AHI1: variants seen among roughly 807,000 people sequenced by gnomAD.
AHI1 encodes the protein jouberin.
AHI1 carries 123 observed loss-of-function variants against 149.3 expected under a neutral mutation model. That is an observed-to-expected ratio of 0.82 (90% CI 0.71 to 0.96). The LOEUF is 0.96. AHI1 is among the 40% of genes least tolerant of loss of function. The pLI, the probability that AHI1 is intolerant of heterozygous loss-of-function variation, is 0.00. For missense variants in AHI1, 1,439 were observed against 1,422.7 expected (o/e 1.01, Z -0.18); for synonymous variants, 475 against 459.8 (o/e 1.03, Z -0.42).
At chr6:135,358,044 G>C in intron 24 of AHI1, 88 bp downstream of exon 24, 1 of 1,214,632 alleles carries the variant, frequency 8.2e-7, no homozygotes, top group Non-Finnish European at 1.2e-6. Context: ...AAGGTTTTAA[G>C]AGTTTTCTAC....
intron 25 of AHI1, among the ~76,000 whole-genome samples, chr6:135,322,363 G>C (rs1284749853): frequency 1.3e-5 from 2 of 152,080 alleles, no homozygotes; most frequent in African/African-American, 2.4e-5. Context: ...ACAGTTTTAA[G>C]TTATTATTAT....
intron 5 of AHI1, among the ~76,000 whole-genome samples, chr6:135,484,112 A>C (rs1002290881): frequency 6.6e-6 from 1 of 152,182 alleles, no homozygotes; most frequent in African/African-American, 2.4e-5. Context: ...GAGCTTGTGC[A>C]GGGAAACTCC....
intron 15 of AHI1, 55 bp downstream of exon 15, chr6:135,438,318 CTT>C: frequency 6.9e-7 from 1 of 1,444,322 alleles, no homozygotes; most frequent in Non-Finnish European, 9.2e-7. Flanking sequence ...TTTATATTCT[CTT>C]TGCTTTCCTT....
At chr6:135,375,220 A>G (rs1205401083) in intron 23 of AHI1, among the ~76,000 whole-genome samples, 5 of 152,198 alleles carry the variant, frequency 3.3e-5, no homozygotes, top group Non-Finnish European at 5.9e-5. Context: ...TAATTTTTAA[A>G]AAGTTTTTTT....
In AHI1 at chr6:135,397,378, T is replaced by C. The variant is rs113473601; in HGVS notation, c.2989-2482A>G. ...AACAGAAAGGTTGGTTAAGATAGTC[T>C]ACCCTACACCAATCTACCCTCTTTT... On this transcript the variant is annotated intron_variant, in intron 22 of 28. Coordinates refer to ENST00000265602, the MANE Select transcript of AHI1 (RefSeq NM_001134831.2). 4.0e-3 allele frequency among the ~76,000 whole-genome samples: 608 copies of C among 152,110 alleles called. 1 individual carries two copies. Among genetic ancestry groups the C allele is most frequent in the Non-Finnish European group, 5.8e-3 (393 of 67,876 alleles).
intron 1 of AHI1, among the ~76,000 whole-genome samples, 163 bp downstream of exon 1, chr6:135,497,420 T>C (rs1475468783): frequency 6.6e-6 from 1 of 152,036 alleles, no homozygotes; most frequent in Admixed American, 6.6e-5. Context: ...CTCTCAGAAA[T>C]CGCATTCCCC....
chr6:135,387,355 T>C (rs983471986), intron 23 of AHI1, among the ~76,000 whole-genome samples: 1 of 152,200 alleles, frequency 6.6e-6, no homozygotes, highest in Non-Finnish European at 1.5e-5. Context: ...TATTTTAATG[T>C]CTGTGGAATA....
At chr6:135,358,068 C>A (rs1338269393) in intron 24 of AHI1, 64 bp downstream of exon 24, 4 of 1,458,936 alleles carry the variant, frequency 2.7e-6, no homozygotes, top group Non-Finnish European at 3.8e-6. Flanking sequence ...GGCACTGTAA[C>A]TATAACCAGT....
intron 27 of AHI1, among the ~76,000 whole-genome samples, chr6:135,292,120 A>G (rs1264433515): frequency 6.6e-6 from 1 of 151,980 alleles, no homozygotes; most frequent in Non-Finnish European, 1.5e-5. Context: ...ACACACACAC[A>G]CACACACACA....
chr6:135,447,180 T>C lies in AHI1; in HGVS notation c.1627-20A>G. 1 of 1,480,990 alleles carries C rather than the reference T, an allele frequency of 6.8e-7. No individual in the cohort carries two copies. Among genetic ancestry groups the C allele is most frequent in the Non-Finnish European group, 9.0e-7 (1 of 1,109,252 alleles). 91.7% of individuals were successfully genotyped at this position (1,480,990 alleles called of 1,614,324 possible). On this transcript the variant is annotated intron_variant, in intron 12 of 28. Transcript: ENST00000265602. ...CTTTATCTAAATATGCATTAAAATA[T>C]GAAAATTTATATACCATGTTCACCT...
rs534108217 is a variant in AHI1, at chr6:135,288,903, T to C, written c.3588+1520A>G. On this transcript the variant is annotated intron_variant, in intron 28 of 28. Transcript: ENST00000265602. The stretch of plus-strand genomic sequence containing the variant: ...CTTCACAAAGAATGGATCAATCTTA[T>C]AGTATTACCAGCAGTGTAAGCGGGA... Among the ~76,000 whole-genome samples the C allele has an allele frequency of 9.9e-5, 15 of 152,112 alleles. No homozygotes were observed. The South Asian group carries it at 1.7e-3, about 17-fold the overall frequency.
chr6:135,474,486 GTCTAT>G lies in AHI1; in HGVS notation c.136-6857_136-6853del, dbSNP rs1342190963. 2.6e-5 allele frequency: 4 copies of G among 151,664 alleles called. No individual in the cohort carries two copies. In the East Asian group the frequency reaches 7.7e-4, roughly 29 times the overall value. The allele number at this position is 151,664 out of a possible 1,614,324, so 9.4% of individuals were successfully genotyped here. A position where few individuals can be genotyped will look rare whatever the true frequency, so the allele number is the denominator to read the frequency against. ...CCTTTATTAGGTTGAGGAAGTTACT[GTCTAT>G]TCTTTTTTTTTTTTTAGACTAGTCA... On this transcript the variant is annotated intron_variant, in intron 5 of 28. Coordinates refer to ENST00000265602, the MANE Select transcript of AHI1 (RefSeq NM_001134831.2).
Position 135,428,846 on chromosome 6 carries a change from T to C in AHI1, c.2493-87A>G, listed in dbSNP as rs528463122. 4.1e-6 allele frequency: 5 copies of C among 1,223,890 alleles called. No homozygotes were observed. In the African/African-American group the frequency reaches 7.7e-5, roughly 19 times the overall value. The allele number at this position is 1,223,890 out of a possible 1,614,324, so 75.8% of individuals were successfully genotyped here. On this transcript the variant is annotated intron_variant, in intron 18 of 28. Transcript: ENST00000265602. ...AAAATCTTTTCTCTTAAATACTTAA[T>C]TTCCATTCAACAAACATTTTTTGAG...
At chr6:135,473,493 A>T (rs1489865318) in intron 5 of AHI1, among the ~76,000 whole-genome samples, 1 of 152,192 alleles carries the variant, frequency 6.6e-6, no homozygotes, top group Non-Finnish European at 1.5e-5. Context: ...GAGAGAGGAT[A>T]CTGACATATC....
chr6:135,374,261 C>T (rs1178125699), intron 23 of AHI1, among the ~76,000 whole-genome samples: 5 of 150,930 alleles, frequency 3.3e-5, no homozygotes, highest in Non-Finnish European at 5.9e-5. Context: ...TACAGGTGCC[C>T]GCCATCACGC....
intron 23 of AHI1, among the ~76,000 whole-genome samples, chr6:135,385,324 C>T (rs1207014700): frequency 6.6e-6 from 1 of 151,968 alleles, no homozygotes; most frequent in Non-Finnish European, 1.5e-5. Context: ...GTGAAACCAT[C>T]TTATAAGACA....
intron 5 of AHI1, among the ~76,000 whole-genome samples, chr6:135,480,444 C>A (rs962323220): frequency 1.6e-4 from 24 of 151,250 alleles, no homozygotes; most frequent in East Asian, 1.5e-3. Context: ...AGTGACAGAG[C>A]AAGACCCTGT....
chr6:135,446,351 G>C (rs1349623569), intron 13 of AHI1, among the ~76,000 whole-genome samples: 1 of 152,184 alleles, frequency 6.6e-6, no homozygotes, highest in African/African-American at 2.4e-5. Context: ...CATGTGAAGA[G>C]GCAGCAAGAG....
intron 26 of AHI1, among the ~76,000 whole-genome samples, chr6:135,314,590 T>A (rs1284303490): frequency 6.6e-6 from 1 of 152,238 alleles, no homozygotes; most frequent in Non-Finnish European, 1.5e-5. Flanking sequence ...TCCCTTACAG[T>A]CCTTACATTG....
Sources: allele counts gnomAD v4.1 joint callset (sites outside exome capture counted in the v4.1 genomes callset), GRCh38; gene constraint gnomAD v4.1.1; transcripts MANE v1.5; gene names NCBI Gene and HGNC (gene_info 2026-07-23, HGNC 2026-07-21).